The following LRRC74A variants were observed in gnomAD, a reference collection of about 807,000 sequenced individuals.
LRRC74A encodes the protein leucine rich repeat containing 74A.
In LRRC74A, 44 loss-of-function variants were observed where a neutral mutation model predicts 57.9. The observed-to-expected ratio is 0.76, with a 90% CI of 0.60 to 0.98. LRRC74A has a LOEUF of 0.98. LRRC74A is among the 50% of genes least tolerant of loss of function. The pLI, the probability that LRRC74A is intolerant of heterozygous loss-of-function variation, is 0.00. For synonymous variants in LRRC74A, 211 were observed against 219.4 expected (o/e 0.96, Z 0.34); for missense variants, 572 against 574.0 (o/e 1.00, Z 0.04).
rs764271131 is a variant in LRRC74A, at chr14:76,828,451, A to AT, written c.166+32_166+33insT. On this transcript the variant is annotated intron_variant, in intron 2 of 13. Transcript: ENST00000689127. ...ATGGGCATTTGGGGGCAGTCAGGGC[A>AT]GCTTCTCCTCAGAAACTGGAGAAAT... The AT allele has an allele frequency of 3.9e-5, 63 of 1,613,538 alleles. 1 individual carries two copies. In the South Asian group the frequency reaches 5.9e-4, roughly 15 times the overall value.
At chr14:76,859,273 G>A (rs190306351) in intron 10 of LRRC74A, among the ~76,000 whole-genome samples, 2 of 152,206 alleles carry the variant, frequency 1.3e-5, no homozygotes, top group African/African-American at 4.8e-5. Context: ...GGTGACTCAC[G>A]CCTGTAATCC....
chr14:76,861,936 C>T (rs1471928738), intron 11 of LRRC74A, among the ~76,000 whole-genome samples: 2 of 152,206 alleles, frequency 1.3e-5, no homozygotes, highest in South Asian at 2.1e-4. Context: ...AAAAGAGCTC[C>T]CACATGAAAA....
At chr14:76,863,496 C>T (rs570145793) in intron 11 of LRRC74A, among the ~76,000 whole-genome samples, 2 of 152,280 alleles carry the variant, frequency 1.3e-5, no homozygotes, top group South Asian at 2.1e-4. Flanking sequence ...CATTCCTACC[C>T]GTTCTCAGGT....
At chr14:76,848,895 C>A (rs937694921) in intron 7 of LRRC74A, among the ~76,000 whole-genome samples, 4 of 152,142 alleles carry the variant, frequency 2.6e-5, no homozygotes, top group Non-Finnish European at 5.9e-5. Flanking sequence ...AGGGTGGGTG[C>A]GGGTGCAGTA....
intron 12 of LRRC74A, among the ~76,000 whole-genome samples, chr14:76,866,641 G>A (rs577316405): frequency 3.2e-4 from 48 of 152,122 alleles, no homozygotes; most frequent in South Asian, 2.1e-4. Context: ...TGCCCAGGCC[G>A]GGGGTGAAGA....
intron 2 of LRRC74A, chr14:76,829,238 G>A (rs1595337160): frequency 7.9e-7 from 1 of 1,263,694 alleles, no homozygotes; most frequent in Non-Finnish European, 1.0e-6. Context: ...CTGGCTGGTG[G>A]GCAGTGATTC....
chr14:76,861,750 C>T (rs561257822), intron 11 of LRRC74A, among the ~76,000 whole-genome samples: 47 of 152,330 alleles, frequency 3.1e-4, no homozygotes, highest in African/African-American at 1.1e-3. Flanking sequence ...GTTTCCACAG[C>T]GGGCCTCTCA....
intron 5 of LRRC74A, among the ~76,000 whole-genome samples, chr14:76,841,842 A>C (rs1313033722): frequency 6.6e-6 from 1 of 151,720 alleles, no homozygotes; most frequent in East Asian, 1.9e-4. Context: ...CCTACCGAGT[A>C]GCTGAGATTA....
chr14:76,844,451 A>C lies in LRRC74A; in HGVS notation c.573A>C (p.Ala191=). The change falls in exon 6 of 14, where the codon GCA becomes GCC. Residue 191 remains alanine, a synonymous_variant. Coordinates refer to ENST00000689127, the MANE Select transcript of LRRC74A (RefSeq NM_001385106.1). ...SGNDFKEDSA[A]LLCQALSTNY... is the part of the protein sequence containing the mutation. ...ATGACTTCAAGGAAGACTCCGCAGC[A>C]CTGCTCTGCCAAGCCCTGTCGGTAA... 2 of 1,612,470 alleles carry C rather than the reference A, an allele frequency of 1.2e-6. No individual in the cohort carries two copies. Among genetic ancestry groups the C allele is most frequent in the East Asian group, 4.5e-5 (2 of 44,820 alleles).
chr14:76,862,221 G>A (rs966073839), intron 11 of LRRC74A, among the ~76,000 whole-genome samples: 4 of 152,146 alleles, frequency 2.6e-5, no homozygotes, highest in African/African-American at 4.8e-5. Context: ...CTACAGTGAC[G>A]ACCCACAGAA....
At chr14:76,856,801 T>C (rs1467146907) in intron 9 of LRRC74A, among the ~76,000 whole-genome samples, 3 of 149,564 alleles carry the variant, frequency 2.0e-5, no homozygotes, top group Non-Finnish European at 4.4e-5. Flanking sequence ...AGTGGATGGA[T>C]GGATGGATGG....
chr14:76,829,817 AATG>A (rs1439872372), intron 2 of LRRC74A, among the ~76,000 whole-genome samples: 1 of 152,106 alleles, frequency 6.6e-6, no homozygotes, highest in Admixed American at 6.5e-5. Context: ...AGACACTGGG[AATG>A]GGCAGGGAGG....
intron 5 of LRRC74A, among the ~76,000 whole-genome samples, chr14:76,843,020 C>A (rs948553706): frequency 6.6e-6 from 1 of 152,058 alleles, no homozygotes; most frequent in Non-Finnish European, 1.5e-5. Flanking sequence ...ATAAAGACAC[C>A]AGGTGCGAAT....
intron 7 of LRRC74A, among the ~76,000 whole-genome samples, chr14:76,850,161 TTG>T (rs1897353041): frequency 6.6e-6 from 1 of 152,002 alleles, no homozygotes; most frequent in African/African-American, 2.4e-5. Context: ...TGAGCGGAGA[TTG>T]CGCCACTGCA....
intron 7 of LRRC74A, among the ~76,000 whole-genome samples, chr14:76,846,642 G>A (rs1897131090): frequency 6.6e-6 from 1 of 152,188 alleles, no homozygotes; most frequent in Non-Finnish European, 1.5e-5. Flanking sequence ...TACTTTGGGG[G>A]TAAAGCCAAA....
chr14:76,852,277 T>C (rs1429894773), intron 7 of LRRC74A, 88 bp from the exon 8 acceptor site: 1 of 972,270 alleles, frequency 1.0e-6, no homozygotes, highest in Admixed American at 2.5e-5. Context: ...GAGTGGTCTT[T>C]ATCCCCAGTG....
chr14:76,849,852 T>C (rs1256366845), intron 7 of LRRC74A, among the ~76,000 whole-genome samples: 1 of 151,054 alleles, frequency 6.6e-6, no homozygotes, highest in East Asian at 2.0e-4. Flanking sequence ...ACTTATTATT[T>C]GAAGTGATTG....
intron 11 of LRRC74A, 64 bp from the exon 12 acceptor site, chr14:76,865,904 G>A (rs1170277228): frequency 7.9e-7 from 1 of 1,270,544 alleles, no homozygotes; most frequent in African/African-American, 1.5e-5. Flanking sequence ...TGGGAGGGAA[G>A]GGGGACCTGC....
At chr14:76,841,153 T>A (rs749121856) in intron 5 of LRRC74A, among the ~76,000 whole-genome samples, 2 of 152,204 alleles carry the variant, frequency 1.3e-5, no homozygotes, top group African/African-American at 2.4e-5. Flanking sequence ...GTGATTCTCC[T>A]GCCTCAGCCT....
Sources: allele counts gnomAD v4.1 joint callset (sites outside exome capture counted in the v4.1 genomes callset), GRCh38; gene constraint gnomAD v4.1.1; transcripts MANE v1.5; gene names NCBI Gene and HGNC (gene_info 2026-07-23, HGNC 2026-07-21).